ATP11B: variants seen among roughly 807,000 people sequenced by gnomAD.
The protein encoded by ATP11B is phospholipid-transporting ATPase IF.
A neutral mutation model predicts 157.8 loss-of-function variants in ATP11B; 81 were observed. The observed-to-expected ratio is 0.51, with a 90% CI of 0.43 to 0.62. ATP11B has a LOEUF of 0.62. ATP11B is among the 20% of genes least tolerant of loss of function. The pLI, the probability that ATP11B is intolerant of heterozygous loss-of-function variation, is 0.00. For missense variants in ATP11B, 1,165 were observed against 1,402.2 expected, an observed-to-expected ratio of 0.83 and a Z score of 2.70; for synonymous variants, 451 against 469.4, an observed-to-expected ratio of 0.96 and a Z score of 0.51.
At chr3:182,883,399 A>G (rs1417504556) in intron 21 of ATP11B, among the ~76,000 whole-genome samples, 1 of 151,754 alleles carries the variant, frequency 6.6e-6, no homozygotes, top group African/African-American at 2.4e-5. Flanking sequence ...CTGGGATTAC[A>G]GGCACCCACC....
At chr3:182,902,597 T>A (rs1475226876) in intron 28 of ATP11B, 1 of 1,234,790 alleles carries the variant, frequency 8.1e-7, no homozygotes, top group East Asian at 5.7e-5. Flanking sequence ...CCTCATTAAC[T>A]CTTCTGCATG....
intron 25 of ATP11B, among the ~76,000 whole-genome samples, chr3:182,893,125 G>A (rs934512976): frequency 6.6e-6 from 1 of 152,262 alleles, no homozygotes; most frequent in South Asian, 2.1e-4. Flanking sequence ...CATTTGTCAA[G>A]AAGTCATAGA....
chr3:182,918,596 C>T lies in ATP11B; in HGVS notation c.*492C>T, dbSNP rs1725282218. The stretch of plus-strand genomic sequence containing the variant: ...TTCATGGGAAAAGTTAATGTGAATA[C>T]TGAGGAATTTTGGTCCCTCAGTGAC... On this transcript the variant is annotated 3_prime_UTR_variant, in exon 30 of 30. Coordinates refer to ENST00000323116, the MANE Select transcript of ATP11B (RefSeq NM_014616.3). 2 of 378,448 alleles carry T rather than the reference C, an allele frequency of 5.3e-6. No homozygotes were observed. Among genetic ancestry groups the T allele is most frequent in the Non-Finnish European group, 9.4e-6 (2 of 213,824 alleles). 23.4% of individuals were successfully genotyped at this position (378,448 alleles called of 1,614,324 possible). A position where few individuals can be genotyped will look rare whatever the true frequency, so the allele number is the denominator to read the frequency against.
intron 1 of ATP11B, among the ~76,000 whole-genome samples, chr3:182,809,235 C>G (rs971876176): frequency 6.6e-6 from 1 of 151,644 alleles, no homozygotes; most frequent in South Asian, 2.1e-4. Context: ...TATTTTATTT[C>G]TTTTATTTAA....
intron 19 of ATP11B, among the ~76,000 whole-genome samples, chr3:182,878,272 T>C (rs1560107606): frequency 6.6e-6 from 1 of 152,220 alleles, no homozygotes; most frequent in African/African-American, 2.4e-5. Context: ...AATCTATCAA[T>C]ATATGTTTAG....
At chr3:182,806,010 C>T (rs188050047) in intron 1 of ATP11B, among the ~76,000 whole-genome samples, 4 of 152,028 alleles carry the variant, frequency 2.6e-5, no homozygotes, top group Admixed American at 1.3e-4. Context: ...TCTTGCATAC[C>T]ACCTCTTTCT....
At chr3:182,846,767 A>T (rs1189167512) in intron 9 of ATP11B, among the ~76,000 whole-genome samples, 1 of 152,206 alleles carries the variant, frequency 6.6e-6, no homozygotes, top group African/African-American at 2.4e-5. Flanking sequence ...AATACCCAGA[A>T]TAGGCAAATT....
intron 21 of ATP11B, among the ~76,000 whole-genome samples, chr3:182,883,678 G>T: frequency 6.6e-6 from 1 of 151,614 alleles, no homozygotes; most frequent in East Asian, 2.0e-4. Flanking sequence ...AGACTAGGCC[G>T]GGCGCGGTGG....
chr3:182,876,307 CAA>C (rs2108554465), intron 19 of ATP11B, among the ~76,000 whole-genome samples: 1 of 152,236 alleles, frequency 6.6e-6, no homozygotes, highest in Admixed American at 6.5e-5. Context: ...TGGTTAATAA[CAA>C]AGTCATCAGA....
chr3:182,913,670 A>G lies in ATP11B; in HGVS notation c.3319-191A>G, dbSNP rs184589001. On this transcript the variant is annotated intron_variant, in intron 28 of 29. Transcript: ENST00000323116. ...TTACTAGACCTCTAATTTAGGATAC[A>G]AGGCTTTAAAATAATTTTGGATGGT... 9.3e-4 allele frequency among the ~76,000 whole-genome samples: 141 copies of G among 152,352 alleles called. 1 individual carries two copies. The highest frequency in any genetic ancestry group is 3.2e-3 in the African/African-American group (135 of 41,592).
At chr3:182,821,022 G>A (rs1423057114) in intron 2 of ATP11B, among the ~76,000 whole-genome samples, 1 of 152,182 alleles carries the variant, frequency 6.6e-6, no homozygotes, top group African/African-American at 2.4e-5. Flanking sequence ...TTTTAAATCA[G>A]TTTCCTCAAT....
intron 29 of ATP11B, chr3:182,916,168 T>C: frequency 2.0e-6 from 2 of 985,392 alleles, no homozygotes; most frequent in Non-Finnish European, 2.4e-6. Flanking sequence ...TAGAGTTCTC[T>C]TTTTGTTTAC....
At chr3:182,893,824 C>A (rs187307834) in intron 25 of ATP11B, among the ~76,000 whole-genome samples, 1 of 152,262 alleles carries the variant, frequency 6.6e-6, no homozygotes, top group Admixed American at 6.5e-5. Flanking sequence ...TAAAAGTGTT[C>A]CCTTTTCACC....
rs1196809133 is a variant in ATP11B, at chr3:182,833,556, T to A, written c.316-2479T>A. On this transcript the variant is annotated intron_variant, in intron 4 of 29. Transcript: ENST00000323116. ...GTTGCCGGGTCTGGTCTCCAACTCC[T>A]GGGCTCAAGCGATTCTCTCCCTTCG... 2.6e-5 allele frequency: 4 copies of A among 152,184 alleles called. No individual in the cohort carries two copies. In the East Asian group the frequency reaches 5.8e-4, roughly 22 times the overall value. 9.4% of individuals were successfully genotyped at this position (152,184 alleles called of 1,614,324 possible).
chr3:182,915,977 T>A (rs1725115276), intron 29 of ATP11B: 11 of 984,608 alleles, frequency 1.1e-5, no homozygotes, highest in Non-Finnish European at 1.3e-5. Flanking sequence ...TGGTTACTAT[T>A]ATTTTCTTAC....
chr3:182,848,613 C>T lies in ATP11B; in HGVS notation c.851+56C>T, dbSNP rs563982879. 792 of 928,796 alleles carry T rather than the reference C, an allele frequency of 8.5e-4. 2 individuals carry two copies. The highest frequency in any genetic ancestry group is 1.9e-3 in the Middle Eastern group (5 of 2,652). 57.5% of individuals were successfully genotyped at this position (928,796 alleles called of 1,614,324 possible). A position where few individuals can be genotyped will look rare whatever the true frequency, so the allele number is the denominator to read the frequency against. ...TAATTATAACTCTACATTTTTTATT[C>T]GTTTGGTATAAAATATTATATATAT... On this transcript the variant is annotated intron_variant, in intron 10 of 29. Transcript: ENST00000323116.
intron 28 of ATP11B, among the ~76,000 whole-genome samples, chr3:182,906,688 C>T (rs373957254): frequency 1.3e-5 from 2 of 151,950 alleles, no homozygotes; most frequent in African/African-American, 4.8e-5. Flanking sequence ...TGGGCTCAAG[C>T]GATCTACCTG....
Position 182,848,500 on chromosome 3 carries a change from A to G in ATP11B, c.794A>G (p.Glu265Gly). 1 of 1,580,532 alleles carries G rather than the reference A, an allele frequency of 6.3e-7. No individual in the cohort carries two copies. Among genetic ancestry groups the G allele is most frequent in the South Asian group, 1.2e-5 (1 of 83,442 alleles). ...IFGVAVYTGM[E>G]TKMALNYKSK... ...GGTGTTGCGGTATACACTGGAATGGAAACTAAGATGGCATTAAATTACAAG... is the reference window on the plus strand; with the variant it reads ...GGTGTTGCGGTATACACTGGAATGGGAACTAAGATGGCATTAAATTACAAG... Residue 265 changes from glutamate to glycine, a missense_variant, in exon 10 of 30, where the codon GAA becomes GGA. Glu to Gly is a moderately conservative substitution (Grantham distance 98). This residue lies in a region of ATP11B where 737 missense variants were observed against 930.5 expected (regional missense o/e 0.79). Transcript: ENST00000323116.
intron 24 of ATP11B, among the ~76,000 whole-genome samples, chr3:182,888,351 A>G (rs1409379624): frequency 6.6e-6 from 1 of 152,212 alleles, no homozygotes; most frequent in Non-Finnish European, 1.5e-5. Context: ...TGTTCTTCCC[A>G]TAATAGCTAT....
Sources: gnomAD v4.1 joint callset for allele counts (sites outside exome capture counted in the v4.1 genomes callset) on GRCh38, gnomAD v4.1.1 for gene constraint, gnomAD v4.1.1 regional missense constraint, MANE v1.5 for transcripts, NCBI Gene and HGNC (gene_info 2026-07-23, HGNC 2026-07-21) for gene names.